The following ADGRB1 variants were observed in gnomAD, a reference collection of about 807,000 sequenced individuals.
ADGRB1 encodes the protein adhesion G protein-coupled receptor B1, also known as brain-specific angiogenesis inhibitor 1.
In ADGRB1, 36 loss-of-function variants were observed where a neutral mutation model predicts 175.7. The ratio of observed to expected loss-of-function variants is 0.20; its 90% CI spans 0.16 to 0.27. ADGRB1 has a LOEUF of 0.27. ADGRB1 is among the 10% of genes least tolerant of loss of function. The pLI, the probability that ADGRB1 is intolerant of heterozygous loss-of-function variation, is 1.00. For synonymous variants in ADGRB1, 1,054 were observed against 979.4 expected (o/e 1.08, Z -1.42); for missense variants, 1,731 against 2,255.3 (o/e 0.77, Z 4.71).
intron 19 of ADGRB1, among the ~76,000 whole-genome samples, chr8:142,518,662 G>C (rs1426025980): frequency 6.6e-6 from 1 of 152,242 alleles, no homozygotes; most frequent in Non-Finnish European, 1.5e-5. Context: ...CTCTCAGCCT[G>C]CTGTCCATTC....
intron 25 of ADGRB1, among the ~76,000 whole-genome samples, chr8:142,535,949 C>G (rs1436014207): frequency 6.6e-6 from 1 of 152,188 alleles, no homozygotes; most frequent in African/African-American, 2.4e-5. Context: ...CTCTGACCAG[C>G]TGTGTGGCCA....
rs1337928940 is a variant in ADGRB1 at position 142,510,904 on chromosome 8, C to T, written c.2676-28C>T. 2 of 1,064,822 alleles carry T rather than the reference C, an allele frequency of 1.9e-6. No individual in the cohort carries two copies. The highest frequency in any genetic ancestry group is 7.5e-5 in the South Asian group (2 of 26,504). 66.0% of individuals were successfully genotyped at this position (1,064,822 alleles called of 1,614,324 possible). A position where few individuals can be genotyped will look rare whatever the true frequency, so the allele number is the denominator to read the frequency against. On this transcript the variant is annotated intron_variant, in intron 17 of 30. Transcript: ENST00000517894. This position sits in a 1 kb window ranked among gnomAD's most constrained non-coding sequence, Gnocchi z 6.3. ...CCGCCGCCGCTGACGCTCCGCCTGT[C>T]TCCCTCCCGTGTCCCGCCCGCCCCC...
intron 18 of ADGRB1, among the ~76,000 whole-genome samples, chr8:142,517,464 C>T (rs970408113): frequency 2.0e-5 from 3 of 152,192 alleles, no homozygotes; most frequent in Admixed American, 2.0e-4. Context: ...GAGGAGCTCA[C>T]AGGGGGCAGG....
At position 142,490,833 on chromosome 8, in the gene ADGRB1, T is replaced by G; in HGVS notation, c.2675+18T>G. On this transcript the variant is annotated intron_variant, in intron 17 of 30. Coordinates refer to ENST00000517894, the MANE Select transcript of ADGRB1 (RefSeq NM_001702.3). Reference sequence around the variant, plus strand: ...ACGGATGTGTAAGTTCACTTGGATTTCATGGCCGTGGGGGTCTGGGGTGGG... The same window carrying G: ...ACGGATGTGTAAGTTCACTTGGATTGCATGGCCGTGGGGGTCTGGGGTGGG... 1 of 1,572,896 alleles carries G rather than the reference T, an allele frequency of 6.4e-7. No individual in the cohort carries two copies. Among genetic ancestry groups the G allele is most frequent in the Admixed American group, 1.9e-5 (1 of 53,934 alleles).
At chr8:142,514,121 A>G (rs941451996) in intron 18 of ADGRB1, among the ~76,000 whole-genome samples, 1 of 151,968 alleles carries the variant, frequency 6.6e-6, no homozygotes, top group East Asian at 1.9e-4. Flanking sequence ...GGTTGGATGG[A>G]CACGTTGGGT....
In ADGRB1 at chr8:142,511,092, C is replaced by G. The variant is rs1843075396; in HGVS notation, c.2817+19C>G. The G allele has an allele frequency of 8.2e-6, 9 of 1,097,494 alleles. No homozygotes were observed. The highest frequency in any genetic ancestry group is 8.9e-6 in the Non-Finnish European group (8 of 902,308). 68.0% of individuals were successfully genotyped at this position (1,097,494 alleles called of 1,614,324 possible). A position where few individuals can be genotyped will look rare whatever the true frequency, so the allele number is the denominator to read the frequency against. On this transcript the variant is annotated intron_variant, in intron 18 of 30. Coordinates refer to ENST00000517894, the MANE Select transcript of ADGRB1 (RefSeq NM_001702.3). The surrounding 1 kb of genome is among the most constrained non-coding windows in gnomAD (Gnocchi z 4.5). ...CGACGCGGTGAGACCCCGGCCGGGC[C>G]GGCGGGAGGGGCGCCGGGCAGGGGC...
rs1843130600 is a variant in ADGRB1, at chr8:142,511,929, G to A, written c.2817+856G>A. 6.6e-6 allele frequency among the ~76,000 whole-genome samples: 1 copy of A among 152,372 alleles called. No homozygotes were observed. The highest frequency in any genetic ancestry group is 3.4e-3 in the Middle Eastern group (1 of 294). On this transcript the variant is annotated intron_variant, in intron 18 of 30. Transcript: ENST00000517894. The surrounding 1 kb of genome is among the most constrained non-coding windows in gnomAD (Gnocchi z 4.5). ...AGCAGGGGTGGAGGATGCACTTGGA[G>A]GGGACCTGTCCTTCCTGGGTGTTGG...
chr8:142,544,390 C>T lies in ADGRB1; in HGVS notation c.4728C>T (p.Asp1576=), dbSNP rs1845469190. The part of the protein sequence containing the change: ...SGATIPLVGQ[D]IIDLQTEV ...CCACGATCCCGCTGGTGGGCCAGGA[C>T]ATCATCGACCTCCAGACCGAGGTCT... is the stretch of plus-strand genomic sequence containing the variant. Residue 1576 remains aspartate (D), a synonymous_variant, in exon 31 of 31, where the codon GAC becomes GAT. Transcript: ENST00000517894. The T allele has an allele frequency of 2.6e-6, 4 of 1,514,092 alleles. No individual in the cohort carries two copies. Among genetic ancestry groups the T allele is most frequent in the East Asian group, 4.9e-5 (2 of 40,508 alleles). The allele number at this position is 1,514,092 out of a possible 1,614,324, so 93.8% of individuals were successfully genotyped here.
chr8:142,516,403 CGTGT>C (rs1177917754), intron 18 of ADGRB1, among the ~76,000 whole-genome samples: 1 of 100,116 alleles, frequency 1.0e-5, no homozygotes, highest in Non-Finnish European at 1.9e-5. Flanking sequence ...GCCCCAGTTG[CGTGT>C]GTGTGGGCCC....
chr8:142,491,107 C>G (rs1178863712), intron 17 of ADGRB1, among the ~76,000 whole-genome samples: 1 of 152,202 alleles, frequency 6.6e-6, no homozygotes, highest in African/African-American at 2.4e-5. Flanking sequence ...CTGCCCCCAG[C>G]CCCCAGCCCC....
chr8:142,539,509 C>T (rs1845138657), intron 27 of ADGRB1, 96 bp downstream of exon 27: 5 of 1,416,868 alleles, frequency 3.5e-6, no homozygotes, highest in East Asian at 2.5e-5. Context: ...TCACCCATCC[C>T]TGTCCACTCC....
In ADGRB1 at chr8:142,542,127, C is replaced by T; in HGVS notation, c.3893C>T (p.Pro1298Leu). ...LHGSPRYPGG[P>L]LPDFPNHSLT... ...GGCTCACCCCGCTATCCCGGCGGGC[C>T]CCTGCCCGACTTCCCCAACCACTCA... is the stretch of plus-strand genomic sequence containing the variant. The change falls in exon 28 of 31, where the codon CCC becomes CTC. Residue 1298 changes from proline (P) to leucine (L), a missense_variant. Physicochemically the swap from Pro to Leu is moderately conservative, Grantham distance 98 (BLOSUM62 -3). Coordinates refer to ENST00000517894, the MANE Select transcript of ADGRB1 (RefSeq NM_001702.3). This position sits in a 1 kb window ranked among gnomAD's most constrained non-coding sequence, Gnocchi z 6.3. 1 of 1,613,564 alleles carries T rather than the reference C, an allele frequency of 6.2e-7. No individual in the cohort carries two copies. The highest frequency in any genetic ancestry group is 8.5e-7 in the Non-Finnish European group (1 of 1,179,814).
rs371544443 is a variant in ADGRB1 at position 142,481,544 on chromosome 8, C to A, written c.1963C>A (p.Arg655=). ...MTREHLAKAQ[R]GLPGEGVSEV... is the part of the protein sequence containing the mutation. ...CCGGGAGCACCTGGCCAAGGCTCAG[C>A]GAGGGCTGCCTGGGGAGGGGGTCTC... The change falls in exon 11 of 31, where the codon CGA becomes AGA. Residue 655 remains arginine, a synonymous_variant. Transcript: ENST00000517894. The A allele has an allele frequency of 1.3e-6, 2 of 1,589,714 alleles. No homozygotes were observed. The highest frequency in any genetic ancestry group is 1.7e-6 in the Non-Finnish European group (2 of 1,167,568).
intron 24 of ADGRB1, among the ~76,000 whole-genome samples, chr8:142,529,322 A>G (rs1844443741): frequency 6.6e-6 from 1 of 151,892 alleles, no homozygotes; most frequent in Non-Finnish European, 1.5e-5. Flanking sequence ...GAGCATGACC[A>G]GGTGTGTGCA....
At position 142,521,959 on chromosome 8, in the gene ADGRB1, A is replaced by C; in HGVS notation, c.3025-6A>C. On this transcript the variant is annotated splice_region_variant and splice_polypyrimidine_tract_variant and intron_variant, in intron 20 of 30. Coordinates refer to ENST00000517894, the MANE Select transcript of ADGRB1 (RefSeq NM_001702.3). ...CCCAGCCTGCCCCGCCCTGGGCCCC[A>C]CACAGGTGGTGTGCACGCTGGTGGC... is the stretch of plus-strand genomic sequence containing the variant. 6.3e-7 allele frequency: 1 copy of C among 1,585,078 alleles called. No individual in the cohort carries two copies. The highest frequency in any genetic ancestry group is 2.3e-5 in the East Asian group (1 of 43,572).
chr8:142,525,255 T>C (rs1391126450), intron 23 of ADGRB1, among the ~76,000 whole-genome samples: 1 of 151,990 alleles, frequency 6.6e-6, no homozygotes, highest in Non-Finnish European at 1.5e-5. Context: ...TCCTACCTTC[T>C]TTATTCCTTC....
chr8:142,544,266 G>C lies in ADGRB1; in HGVS notation c.4604G>C (p.Arg1535Pro). The C allele has an allele frequency of 6.5e-7, 1 of 1,549,382 alleles. No individual in the cohort carries two copies. The highest frequency in any genetic ancestry group is 8.7e-7 in the Non-Finnish European group (1 of 1,146,664). ...TPNKRPWESL[R>P]KAHGTPTWVK... ...AACAAGAGGCCCTGGGAGAGCCTCC[G>C]GAAAGCCCACGGGACGCCCACGTGG... Residue 1535 changes from arginine to proline, a missense_variant, in exon 31 of 31, where the codon CGG becomes CCG. Transcript: ENST00000517894.
At chr8:142,451,681 AG>A (rs1839359220) in intron 1 of ADGRB1, among the ~76,000 whole-genome samples, 1 of 152,002 alleles carries the variant, frequency 6.6e-6, no homozygotes, top group Non-Finnish European at 1.5e-5. Context: ...TCGGAGCGAG[AG>A]CCGCCGCGGG....
At chr8:142,529,140 G>A (rs1031017678) in intron 24 of ADGRB1, among the ~76,000 whole-genome samples, 1 of 152,206 alleles carries the variant, frequency 6.6e-6, no homozygotes, top group Admixed American at 6.5e-5. Context: ...CTGCCTGATG[G>A]GAAGCCTCCC....
Sources: gnomAD v4.1 joint callset for allele counts (sites outside exome capture counted in the v4.1 genomes callset) on GRCh38, gnomAD v4.1.1 for gene constraint, Gnocchi (gnomAD v3.1) non-coding constraint, MANE v1.5 for transcripts, NCBI Gene and HGNC (gene_info 2026-07-23, HGNC 2026-07-21) for gene names.